SF3B3: variants seen among roughly 807,000 people sequenced by gnomAD.
The protein encoded by SF3B3 is SAP 130.
SF3B3 carries 33 observed loss-of-function variants against 139.2 expected under a neutral mutation model. The ratio of observed to expected loss-of-function variants is 0.24; its 90% CI spans 0.18 to 0.32. The LOEUF (loss-of-function observed/expected upper bound fraction) is 0.32, where lower values mean the gene tolerates loss of function less well. Ranked by LOEUF, SF3B3 falls within the 10% of genes least tolerant of loss-of-function variation. SF3B3 has a pLI of 1.00. For missense variants in SF3B3, 818 were observed against 1,509.4 expected (o/e 0.54, Z 7.59); for synonymous variants, 596 against 563.6 (o/e 1.06, Z -0.81).
At chr16:70,557,119 C>G (rs1047096714) in intron 15 of SF3B3, 90 bp downstream of exon 15, 3 of 1,380,244 alleles carry the variant, frequency 2.2e-6, no homozygotes, top group Middle Eastern at 2.3e-4. Context: ...TTTCTCTGCC[C>G]ATGGTTTCAG....
At chr16:70,535,955 T>G (rs919732949) in intron 6 of SF3B3, among the ~76,000 whole-genome samples, 3 of 152,162 alleles carry the variant, frequency 2.0e-5, no homozygotes, top group Non-Finnish European at 4.4e-5. Context: ...GATGCCTCAC[T>G]CCAGTAATCT....
Position 70,528,875 on chromosome 16 carries a change from A to G in SF3B3, c.73A>G (p.Thr25Ala), listed in dbSNP as rs755673230. 25 of 1,605,490 alleles carry G rather than the reference A, an allele frequency of 1.6e-5. No homozygotes were observed. The highest frequency in any genetic ancestry group is 2.0e-5 in the Non-Finnish European group (23 of 1,173,262). ...SFAIHGNFSG[T>A]KQQEIVVSRG... ...ATCTTTATTTTTTGGTGATCTAGGA[A>G]CCAAACAACAAGAAATTGTTGTTTC... The change falls in exon 3 of 26, where the codon ACC becomes GCC. Residue 25 changes from threonine (T) to alanine (A), a missense_variant and splice_region_variant. Coordinates refer to ENST00000302516, the MANE Select transcript of SF3B3 (RefSeq NM_012426.5).
chr16:70,540,591 G>A (rs553514105), intron 8 of SF3B3, among the ~76,000 whole-genome samples: 1 of 152,044 alleles, frequency 6.6e-6, no homozygotes, highest in African/African-American at 2.4e-5. Context: ...CAAACTTCTG[G>A]ACTTAAGCAA....
At chr16:70,534,505 A>G (rs955948143) in intron 5 of SF3B3, among the ~76,000 whole-genome samples, 3 of 152,164 alleles carry the variant, frequency 2.0e-5, no homozygotes, top group Admixed American at 6.6e-5. Context: ...GGTAGAATCA[A>G]TAGGGCTTTG....
intron 11 of SF3B3, among the ~76,000 whole-genome samples, chr16:70,552,801 C>T (rs1422632869): frequency 2.6e-5 from 4 of 152,350 alleles, no homozygotes; most frequent in African/African-American, 9.6e-5. Flanking sequence ...TATGAAGCAA[C>T]TTCATAAATT....
intron 12 of SF3B3, 78 bp downstream of exon 12, chr16:70,554,675 C>A (rs2050362824): frequency 4.2e-6 from 6 of 1,433,534 alleles, no homozygotes; most frequent in African/African-American, 1.4e-5. Flanking sequence ...CTGCTGTGTT[C>A]ATGTCTCTTC....
intron 1 of SF3B3, among the ~76,000 whole-genome samples, chr16:70,526,114 CAT>C (rs996785472): frequency 1.3e-4 from 20 of 152,154 alleles, no homozygotes; most frequent in African/African-American, 4.6e-4. Context: ...GACGTTTACT[CAT>C]AATTCTCTCT....
At chr16:70,530,568 C>T (rs1165207518) in intron 3 of SF3B3, among the ~76,000 whole-genome samples, 177 bp from the exon 4 acceptor site, 1 of 152,176 alleles carries the variant, frequency 6.6e-6, no homozygotes, top group East Asian at 1.9e-4. Context: ...ATCCACCCAC[C>T]TCAGCCTCCC....
chr16:70,559,641 T>G (rs1157446640), intron 15 of SF3B3, among the ~76,000 whole-genome samples: 1 of 152,124 alleles, frequency 6.6e-6, no homozygotes, highest in African/African-American at 2.4e-5. Context: ...GAGCCAAGAT[T>G]GTGGCACTGT....
rs1294628412 is a variant in SF3B3, at chr16:70,536,421, T to C, written c.825+1001T>C. Among the ~76,000 whole-genome samples, 9 of 152,264 alleles carry C rather than the reference T, an allele frequency of 5.9e-5. No individual in the cohort carries two copies. The East Asian group carries it at 1.7e-3, about 29-fold the overall frequency. ...CTCTGTCACCCAGGCTAGAGTGTAG[T>C]GGTGCGATCTGGGCTCACTGCAAGC... On this transcript the variant is annotated intron_variant, in intron 6 of 25. Transcript: ENST00000302516.
At chr16:70,568,158 A>G in intron 21 of SF3B3, 125 bp from the exon 22 acceptor site, 1 of 736,100 alleles carries the variant, frequency 1.4e-6, no homozygotes, top group East Asian at 2.5e-5. Flanking sequence ...ATTCATTGCT[A>G]ACTGCTGGTT....
At chr16:70,548,776 T>C (rs952470273) in intron 11 of SF3B3, among the ~76,000 whole-genome samples, 1 of 152,256 alleles carries the variant, frequency 6.6e-6, no homozygotes, top group Non-Finnish European at 1.5e-5. Flanking sequence ...GGGAAAGTTG[T>C]GCTTTTTCAT....
At chr16:70,538,590 G>T (rs1036733140) in intron 7 of SF3B3, 130 bp downstream of exon 7, 17 of 720,088 alleles carry the variant, frequency 2.4e-5, no homozygotes, top group Non-Finnish European at 3.1e-5. Flanking sequence ...TATGAGTATA[G>T]ATTTTCTCTC....
intron 3 of SF3B3, chr16:70,529,402 C>A: frequency 3.5e-6 from 2 of 567,896 alleles, no homozygotes; most frequent in Non-Finnish European, 6.2e-6. Context: ...CACCTTTCTA[C>A]TTCCCATCTA....
At chr16:70,571,042 C>G (rs182856497) in intron 24 of SF3B3, 53 bp from the exon 25 acceptor site, 475 of 1,229,520 alleles carry the variant, frequency 3.9e-4, no homozygotes, top group Non-Finnish European at 1.9e-4. Context: ...TGTGGAAACT[C>G]TAGACTAGTT....
At chr16:70,554,620 T>C in intron 12 of SF3B3, 23 bp downstream of exon 12, 1 of 1,613,464 alleles carries the variant, frequency 6.2e-7, no homozygotes, top group South Asian at 1.1e-5. Context: ...AGAGCTTACC[T>C]ACTTGGCCTG....
chr16:70,556,980 T>G lies in SF3B3; in HGVS notation c.1961T>G (p.Leu654Arg), dbSNP rs1237274601. 2 of 1,613,954 alleles carry G rather than the reference T, an allele frequency of 1.2e-6. No individual in the cohort carries two copies. The highest frequency in any genetic ancestry group is 1.7e-6 in the Non-Finnish European group (2 of 1,179,998). Residue 654 changes from leucine (L) to arginine (R), a missense_variant, in exon 15 of 26, where the codon CTG becomes CGG. Around this residue, in one of 14 missense-constraint regions of SF3B3, gnomAD observed 170 missense variants for 353.0 expected, o/e 0.48. Transcript: ENST00000302516. ...EMGGTEKQDE[L>R]GERGSIGFLY... ...GGTGGGACTGAGAAGCAGGATGAGCTGGGTGAGAGGGGCTCGATTGGCTTC... is the reference window on the plus strand; with the variant it reads ...GGTGGGACTGAGAAGCAGGATGAGCGGGGTGAGAGGGGCTCGATTGGCTTC...
In SF3B3 at chr16:70,569,131, C is replaced by T; in HGVS notation, c.3254C>T (p.Ala1085Val). ...TGGGACCGTGGCTTGCTCAATGGGG[C>T]CTCCCAGAAGGTAAGATTGCAGAAT... ...ALWDRGLLNG[A>V]SQKAEVIMNY... The change falls in exon 23 of 26, where the codon GCC (alanine) becomes GTC (valine). Residue 1085 changes from alanine to valine, a missense_variant. Physicochemically the swap from Ala to Val is moderately conservative, Grantham distance 64 (BLOSUM62 0). Coordinates refer to ENST00000302516, the MANE Select transcript of SF3B3 (RefSeq NM_012426.5). The T allele has an allele frequency of 6.2e-7, 1 of 1,608,114 alleles. No individual in the cohort carries two copies. The highest frequency in any genetic ancestry group is 1.1e-5 in the South Asian group (1 of 89,906).
intron 11 of SF3B3, among the ~76,000 whole-genome samples, chr16:70,549,872 C>T (rs532482338): frequency 2.0e-5 from 3 of 152,254 alleles, no homozygotes; most frequent in African/African-American, 7.2e-5. Flanking sequence ...TTGCAGTGAG[C>T]CGAGATTGCA....
Sources: allele counts gnomAD v4.1 joint callset (sites outside exome capture counted in the v4.1 genomes callset), GRCh38; gene constraint gnomAD v4.1.1; regional missense constraint gnomAD v4.1.1; transcripts MANE v1.5; gene names NCBI Gene and HGNC (gene_info 2026-07-23, HGNC 2026-07-21).